The following SNX8 variants were observed in gnomAD, a reference collection of about 807,000 sequenced individuals.
The protein encoded by SNX8 is sorting nexin-8.
Under a neutral mutation model 51.6 loss-of-function variants are expected in SNX8, and 25 were observed. The observed-to-expected ratio is 0.48, with a 90% confidence interval of 0.35 to 0.68. The LOEUF is 0.68. Among genes scored for constraint, SNX8 ranks in the 30% least tolerant of loss-of-function variants. SNX8 has a pLI of 0.00. For synonymous variants in SNX8, 324 were observed against 277.0 expected (o/e 1.17, Z -1.68); for missense variants, 695 against 624.0 (o/e 1.11, Z -1.21).
intron 1 of SNX8, among the ~76,000 whole-genome samples, 158 bp from the exon 2 acceptor site, chr7:2,278,463 G>A (rs1390209809): frequency 6.6e-6 from 1 of 152,190 alleles, no homozygotes; most frequent in African/African-American, 2.4e-5. Context: ...AGGTAATATG[G>A]TGAGACCCCA....
At chr7:2,352,683 A>C (rs1249080496) in intron 1 of SNX8, among the ~76,000 whole-genome samples, 2 of 151,978 alleles carry the variant, frequency 1.3e-5, no homozygotes, top group Admixed American at 1.3e-4. Context: ...AAATACAAAA[A>C]AAATCAGCCA....
In SNX8 at chr7:2,314,436, C is replaced by T; in HGVS notation, c.-15G>A. The T allele has an allele frequency of 2.5e-6, 3 of 1,211,202 alleles. No homozygotes were observed. The highest frequency in any genetic ancestry group is 6.7e-5 in the East Asian group (2 of 29,870). 75.0% of individuals were successfully genotyped at this position (1,211,202 alleles called of 1,614,324 possible). On this transcript the variant is annotated 5_prime_UTR_variant, in exon 1 of 11. Coordinates refer to ENST00000222990, the MANE Select transcript of SNX8 (RefSeq NM_013321.4). Reference sequence around the variant, plus strand: ...CGGCCAGTCATGTGAGCCCGCGCTCCCACGTGACTTCCTCCCGCGCCACCC... The same window carrying T: ...CGGCCAGTCATGTGAGCCCGCGCTCTCACGTGACTTCCTCCCGCGCCACCC...
intron 1 of SNX8, among the ~76,000 whole-genome samples, chr7:2,347,975 T>C (rs1368240217): frequency 6.6e-6 from 1 of 152,082 alleles, no homozygotes; most frequent in Non-Finnish European, 1.5e-5. Flanking sequence ...GGATGCCTCT[T>C]TGCGTCTCCA....
rs1316089056 is a variant in SNX8 at position 2,269,612 on chromosome 7, C to G, written c.568G>C (p.Ala190Pro). The G allele has an allele frequency of 1.2e-6, 2 of 1,601,896 alleles. No homozygotes were observed. The highest frequency in any genetic ancestry group is 1.7e-6 in the Non-Finnish European group (2 of 1,174,324). The change falls in exon 5 of 11, where the codon GCA becomes CCA. Residue 190 changes from alanine (A) to proline (P), a missense_variant. Ala to Pro is a conservative substitution (Grantham distance 27, BLOSUM62 -1). Coordinates refer to ENST00000222990, the MANE Select transcript of SNX8 (RefSeq NM_013321.4). ...AGGAATTCGTCCCCGACGCACTGTGCTGACTCCTTTAACTTGTTCTGCACA... is the reference window on the plus strand; with the variant it reads ...AGGAATTCGTCCCCGACGCACTGTGGTGACTCCTTTAACTTGTTCTGCACA... ...SDVQNKLKES[A>P]QCVGDEFLNC...
rs977263040 is a variant in SNX8, at chr7:2,253,402, G to C, written c.*1654C>G. The C allele has an allele frequency of 3.3e-5, 5 of 152,446 alleles. No individual in the cohort carries two copies. Among genetic ancestry groups the C allele is most frequent in the Non-Finnish European group, 5.9e-5 (4 of 68,204 alleles). The allele number at this position is 152,446 out of a possible 1,614,324, so 9.4% of individuals were successfully genotyped here. On this transcript the variant is annotated 3_prime_UTR_variant, in exon 11 of 11. Transcript: ENST00000222990. ...GGCCTTGCAGCCTTCTGCCCACACG[G>C]GGTCACGCTTCATGGCTCGGGTGTC...
At chr7:2,291,192 T>C (rs1943241702) in intron 1 of SNX8, among the ~76,000 whole-genome samples, 1 of 152,018 alleles carries the variant, frequency 6.6e-6, no homozygotes, top group South Asian at 2.1e-4. Context: ...TCCAGCTGCT[T>C]CCAAAGCTGA....
Position 2,308,780 on chromosome 7 carries a change from A to ATT in SNX8, c.94+5546_94+5547dup, listed in dbSNP as rs755533735. On this transcript the variant is annotated intron_variant, in intron 1 of 10. Coordinates refer to ENST00000222990, the MANE Select transcript of SNX8 (RefSeq NM_013321.4). ...AATTTAATCACCATAAAATGAACAA[A>ATT]TTTTTTTTTTTTTTTTTTTTTGAGC... Among the ~76,000 whole-genome samples, 94 of 136,028 alleles carry ATT rather than the reference A, an allele frequency of 6.9e-4. 1 individual carries two copies. The highest frequency in any genetic ancestry group is 1.7e-3 in the African/African-American group (60 of 34,930). 89.2% of individuals were successfully genotyped at this position (136,028 alleles called of 152,430 possible).
At chr7:2,271,054 G>GT (rs957492791) in intron 4 of SNX8, among the ~76,000 whole-genome samples, 1 of 152,054 alleles carries the variant, frequency 6.6e-6, no homozygotes, top group African/African-American at 2.4e-5. Flanking sequence ...GTTGTTTTTT[G>GT]TTTTTTTGAG....
intron 1 of SNX8, among the ~76,000 whole-genome samples, chr7:2,351,823 T>A (rs1234243773): frequency 6.6e-6 from 1 of 150,816 alleles, no homozygotes; most frequent in South Asian, 2.1e-4. Flanking sequence ...AGAGTGAGAC[T>A]CCATCTCAAA....
chr7:2,255,231 G>A, intron 10 of SNX8, 62 bp from the exon 11 acceptor site: 1 of 1,087,138 alleles, frequency 9.2e-7, no homozygotes, highest in East Asian at 2.6e-5. Context: ...CTCACGCTCT[G>A]ATCCCAGTTC....
intron 1 of SNX8, among the ~76,000 whole-genome samples, chr7:2,305,073 TGTGCTGCCGGTGG>T (rs1280232278): frequency 6.6e-6 from 1 of 152,188 alleles, no homozygotes; most frequent in Non-Finnish European, 1.5e-5. Context: ...TCCTTCCTGC[TGTGCTGCCGGTGG>T]GTCACCGAAA....
At chr7:2,295,681 G>A (rs1031803188) in intron 1 of SNX8, among the ~76,000 whole-genome samples, 24 of 151,306 alleles carry the variant, frequency 1.6e-4, no homozygotes, top group African/African-American at 4.4e-4. Context: ...GCCTATGTCC[G>A]GAAGAGTTCT....
upstream of SNX8, among the ~76,000 whole-genome samples, chr7:2,315,713 C>T (rs565869205): frequency 6.6e-6 from 1 of 151,060 alleles, no homozygotes; most frequent in African/African-American, 2.4e-5. Context: ...CAGTCACTCA[C>T]TCACTGCATC....
intron 1 of SNX8, among the ~76,000 whole-genome samples, chr7:2,285,163 G>A (rs1039534663): frequency 3.4e-5 from 5 of 146,084 alleles, no homozygotes; most frequent in South Asian, 2.2e-4. Flanking sequence ...AGTGAGCCGA[G>A]ATGGCGCCAC....
At chr7:2,317,965 T>C (rs1796782392), upstream of SNX8, among the ~76,000 whole-genome samples, 1 of 152,156 alleles carries the variant, frequency 6.6e-6, no homozygotes, top group Admixed American at 6.6e-5. Context: ...CACCCTCACT[T>C]CCTTCCAGCT....
At chr7:2,302,867 A>G (rs1243971798) in intron 1 of SNX8, among the ~76,000 whole-genome samples, 8 of 142,568 alleles carry the variant, frequency 5.6e-5, no homozygotes, top group Non-Finnish European at 1.1e-4. Flanking sequence ...TCTGCCTGGC[A>G]ACCGCCCCGT....
rs747092657 is a variant in SNX8, at chr7:2,257,785, C to T, written c.934G>A (p.Asp312Asn). ...AAQQGKQEEN[D>N]VVEKLNLFLD... Reference sequence around the variant, plus strand: ...AAGAGGTTCAGCTTCTCCACCACGTCGTTCTCTTCCTGCTTACCCTGGAAG... The same window carrying T: ...AAGAGGTTCAGCTTCTCCACCACGTTGTTCTCTTCCTGCTTACCCTGGAAG... Residue 312 changes from aspartate to asparagine, a missense_variant, in exon 8 of 11, where the codon GAC becomes AAC. Coordinates refer to ENST00000222990, the MANE Select transcript of SNX8 (RefSeq NM_013321.4). 1.2e-6 allele frequency: 2 copies of T among 1,614,054 alleles called. No homozygotes were observed. Among genetic ancestry groups the T allele is most frequent in the Non-Finnish European group, 1.7e-6 (2 of 1,180,002 alleles).
At chr7:2,256,255 G>C (rs935441051) in intron 10 of SNX8, among the ~76,000 whole-genome samples, 10 of 152,200 alleles carry the variant, frequency 6.6e-5, no homozygotes, top group African/African-American at 2.4e-4. Flanking sequence ...ACCTCCCGGG[G>C]ACAGTGTGGA....
Position 2,258,957 on chromosome 7 carries a change from C to T in SNX8, c.916-1154G>A, listed in dbSNP as rs1021290073. ...ACCTGGGGACACGAAGCAGCCCCCA[C>T]GGGCGAACCCCACCCAGACGCTGCC... On this transcript the variant is annotated intron_variant, in intron 7 of 10. Transcript: ENST00000222990. Among the ~76,000 whole-genome samples the T allele has an allele frequency of 4.6e-5, 7 of 152,260 alleles. No homozygotes were observed. In the East Asian group the frequency reaches 1.2e-3, roughly 25 times the overall value.
Sources: gnomAD v4.1 joint callset for allele counts (sites outside exome capture counted in the v4.1 genomes callset) on GRCh38, gnomAD v4.1.1 for gene constraint, MANE v1.5 for transcripts, NCBI Gene and HGNC (gene_info 2026-07-23, HGNC 2026-07-21) for gene names.